Variants in CTDSP2 observed in about 807,000 individuals in gnomAD.
The protein encoded by CTDSP2 is carboxy-terminal domain RNA polymerase II polypeptide A small phosphatase 2.
In CTDSP2, 9 loss-of-function variants were observed where a neutral mutation model predicts 31.6. That is an observed-to-expected ratio of 0.28 (90% CI 0.17 to 0.50). CTDSP2 has a LOEUF of 0.50. Ranked by LOEUF, CTDSP2 falls within the 20% of genes least tolerant of loss-of-function variation. The pLI, the probability that CTDSP2 is intolerant of heterozygous loss-of-function variation, is 0.98. For missense variants in CTDSP2, 267 were observed against 348.5 expected, an observed-to-expected ratio of 0.77 and a Z score of 1.86; for synonymous variants, 134 against 134.5, an observed-to-expected ratio of 1.00 and a Z score of 0.03.
At chr12:57,839,649 T>C (rs1438449565) in intron 1 of CTDSP2, among the ~76,000 whole-genome samples, 2 of 151,558 alleles carry the variant, frequency 1.3e-5, no homozygotes, top group Non-Finnish European at 2.9e-5. Context: ...ACCCAGGAGG[T>C]GGAGCTTGCA....
rs373307006 is a variant in CTDSP2, at chr12:57,824,936, G to A, written c.412-617C>T. Among the ~76,000 whole-genome samples, 15 of 152,070 alleles carry A rather than the reference G, an allele frequency of 9.9e-5. 1 individual carries two copies. Among genetic ancestry groups the A allele is most frequent in the Admixed American group, 7.2e-4 (11 of 15,260 alleles). ...TCCTTTGGCCACCTGACCCCCCATC[G>A]GTCTGCATTCTATTGCTTCCATGAC... is the stretch of plus-strand genomic sequence containing the variant. On this transcript the variant is annotated intron_variant, in intron 5 of 7. Coordinates refer to ENST00000398073, the MANE Select transcript of CTDSP2 (RefSeq NM_005730.4).
chr12:57,827,141 C>T, intron 3 of CTDSP2, 44 bp from the exon 4 acceptor site: 2 of 1,360,144 alleles, frequency 1.5e-6, no homozygotes, highest in Non-Finnish European at 2.1e-6. Flanking sequence ...CCAAGAAAGC[C>T]CAATTGTACC....
rs886219991 is a variant in CTDSP2 at position 57,827,436 on chromosome 12, A to G, written c.252+116T>C. On this transcript the variant is annotated intron_variant, in intron 3 of 7. Coordinates refer to ENST00000398073, the MANE Select transcript of CTDSP2 (RefSeq NM_005730.4). ...AAGTATGGGGAACAAATGGCTTCCC[A>G]GGTCAGGGAGGTGGCTGGCTAGGCA... is the stretch of plus-strand genomic sequence containing the variant. The G allele has an allele frequency of 1.2e-5, 14 of 1,133,702 alleles. No homozygotes were observed. The African/African-American group carries it at 1.7e-4, about 14-fold the overall frequency. 70.2% of individuals were successfully genotyped at this position (1,133,702 alleles called of 1,614,324 possible). A position where few individuals can be genotyped will look rare whatever the true frequency, so the allele number is the denominator to read the frequency against.
intron 6 of CTDSP2, 68 bp from the exon 7 acceptor site, chr12:57,824,157 A>C: frequency 1.2e-6 from 2 of 1,609,240 alleles, no homozygotes; most frequent in South Asian, 2.2e-5. Context: ...TAGGGACCAA[A>C]AGGGAGCTGC....
intron 1 of CTDSP2, among the ~76,000 whole-genome samples, chr12:57,844,423 T>C (rs1956300887): frequency 6.6e-6 from 1 of 152,188 alleles, no homozygotes; most frequent in Admixed American, 6.5e-5. Context: ...GCAGTCCAGC[T>C]TTCCCTTACT....
chr12:57,840,909 TG>T (rs1468037420), intron 1 of CTDSP2, among the ~76,000 whole-genome samples: 2 of 152,180 alleles, frequency 1.3e-5, no homozygotes, highest in African/African-American at 4.8e-5. Flanking sequence ...TGGCGCTCAC[TG>T]GAGTACCCTG....
At chr12:57,831,099 C>A (rs1450126692) in intron 1 of CTDSP2, among the ~76,000 whole-genome samples, 19 of 67,440 alleles carry the variant, frequency 2.8e-4, no homozygotes, top group Non-Finnish European at 3.6e-4. Flanking sequence ...AAAGGCCAAG[C>A]AGATAAAAAA....
At chr12:57,845,753 G>A (rs1185452695) in intron 1 of CTDSP2, among the ~76,000 whole-genome samples, 2 of 152,104 alleles carry the variant, frequency 1.3e-5, no homozygotes, top group Non-Finnish European at 2.9e-5. Context: ...ACGCCGCCAA[G>A]GTCCCGGGGC....
At chr12:57,843,232 T>C (rs2140486039) in intron 1 of CTDSP2, among the ~76,000 whole-genome samples, 1 of 152,278 alleles carries the variant, frequency 6.6e-6, no homozygotes, top group Non-Finnish European at 1.5e-5. Flanking sequence ...CCCCATCTAA[T>C]CCCAAAGCCA....
chr12:57,823,858 C>T, intron 7 of CTDSP2, 46 bp downstream of exon 7: 2 of 1,610,112 alleles, frequency 1.2e-6, no homozygotes, highest in Non-Finnish European at 1.7e-6. Flanking sequence ...TTCCAGTCTG[C>T]TTCCTCTCCC....
intron 1 of CTDSP2, among the ~76,000 whole-genome samples, chr12:57,836,763 C>T (rs1956250208): frequency 6.6e-6 from 1 of 152,192 alleles, no homozygotes; most frequent in African/African-American, 2.4e-5. Context: ...GTCCAGATAC[C>T]ACTTTTGTCA....
Position 57,829,532 on chromosome 12 carries a change from G to A in CTDSP2, c.129C>T (p.Cys43=), listed in dbSNP as rs1956202737. 1 of 1,614,158 alleles carries A rather than the reference G, an allele frequency of 6.2e-7. No homozygotes were observed. Among genetic ancestry groups the A allele is most frequent in the Non-Finnish European group, 8.5e-7 (1 of 1,180,016 alleles). ...RGRNIFKALF[C]CFRAQHVGQS... is the part of the protein sequence containing the mutation. ...GGCCAACATGCTGGGCGCGAAAACA[G>A]CAGAAAAGGGCCTTGAAGATGTTAC... is the stretch of plus-strand genomic sequence containing the variant. The change falls in exon 2 of 8, where the codon TGC becomes TGT. Residue 43 remains cysteine, a synonymous_variant. Coordinates refer to ENST00000398073, the MANE Select transcript of CTDSP2 (RefSeq NM_005730.4).
chr12:57,838,037 C>T (rs960186760), intron 1 of CTDSP2, among the ~76,000 whole-genome samples: 1 of 152,182 alleles, frequency 6.6e-6, no homozygotes, highest in African/African-American at 2.4e-5. Flanking sequence ...TTCTAAAGCA[C>T]GCTGATTTCA....
Position 57,826,552 on chromosome 12 carries a change from A to C in CTDSP2, c.355-150T>G, listed in dbSNP as rs533787112. ...ATTAAGGGGTTCTCACCCTAGTTCA[A>C]GATGTGATACCCCATTCTGGTTTTC... On this transcript the variant is annotated intron_variant, in intron 4 of 7. Coordinates refer to ENST00000398073, the MANE Select transcript of CTDSP2 (RefSeq NM_005730.4). The C allele has an allele frequency of 1.0e-4, 68 of 682,836 alleles. No individual in the cohort carries two copies. In the African/African-American group the frequency reaches 1.2e-3, roughly 12 times the overall value. 42.3% of individuals were successfully genotyped at this position (682,836 alleles called of 1,614,324 possible). A position where few individuals can be genotyped will look rare whatever the true frequency, so the allele number is the denominator to read the frequency against.
intron 1 of CTDSP2, among the ~76,000 whole-genome samples, chr12:57,839,573 C>T (rs979329015): frequency 6.6e-6 from 1 of 152,076 alleles, no homozygotes; most frequent in Non-Finnish European, 1.5e-5. Context: ...AAAAAATTAG[C>T]CGGGCGTGGT....
chr12:57,841,802 A>C (rs1378562000), intron 1 of CTDSP2, among the ~76,000 whole-genome samples: 3 of 152,214 alleles, frequency 2.0e-5, no homozygotes, highest in Admixed American at 2.0e-4. Context: ...AGAGTAGTCT[A>C]ACTATGTAAA....
intron 1 of CTDSP2, among the ~76,000 whole-genome samples, chr12:57,831,300 A>T (rs1025447181): frequency 3.3e-5 from 5 of 151,836 alleles, no homozygotes; most frequent in Admixed American, 1.3e-4. Context: ...TACTAAAAAT[A>T]CAAAACAGCC....
Position 57,820,318 on chromosome 12 carries a change from G to GA in CTDSP2, c.*3283dup, listed in dbSNP as rs1046193879. The GA allele has an allele frequency of 6.6e-6, 1 of 152,200 alleles. No homozygotes were observed. The highest frequency in any genetic ancestry group is 1.5e-5 in the Non-Finnish European group (1 of 68,040). The allele number at this position is 152,200 out of a possible 1,614,324, so 9.4% of individuals were successfully genotyped here. On this transcript the variant is annotated 3_prime_UTR_variant, in exon 8 of 8. Transcript: ENST00000398073. ...ATTTACCAGCATTTAGAAAAAAGGAGAAAAAAGACAGAACTAAACCCGTTT... is the reference window on the plus strand; with the variant it reads ...ATTTACCAGCATTTAGAAAAAAGGAGAAAAAAAGACAGAACTAAACCCGTTT...
At chr12:57,834,151 G>A (rs1012337119) in intron 1 of CTDSP2, among the ~76,000 whole-genome samples, 1 of 152,036 alleles carries the variant, frequency 6.6e-6, no homozygotes, top group African/African-American at 2.4e-5. Context: ...GCACTCTCAA[G>A]GTCTCTTCTG....
Sources: allele counts gnomAD v4.1 joint callset (sites outside exome capture counted in the v4.1 genomes callset), GRCh38; gene constraint gnomAD v4.1.1; transcripts MANE v1.5; gene names NCBI Gene and HGNC (gene_info 2026-07-23, HGNC 2026-07-21).